The following WDR49 variants were observed in gnomAD, a reference collection of about 807,000 sequenced individuals.
WDR49 encodes WD repeat domain 49, also known as cilia- and flagella-associated protein 337.
Under a neutral mutation model 119.5 loss-of-function variants are expected in WDR49, and 107 were observed. The observed-to-expected ratio is 0.90, with a 90% confidence interval of 0.77 to 1.05. The LOEUF (loss-of-function observed/expected upper bound fraction) is 1.05. Ranked by LOEUF, WDR49 falls within the 50% of genes least tolerant of loss-of-function variation. The probability of loss-of-function intolerance (pLI) is 0.00; values close to 1 mark genes in which losing one functional copy is unlikely to be tolerated. For synonymous variants in WDR49, 425 were observed against 418.8 expected (o/e 1.01, Z -0.18); for missense variants, 1,240 against 1,220.5 (o/e 1.02, Z -0.24).
intron 7 of WDR49, among the ~76,000 whole-genome samples, chr3:167,588,981 C>A (rs1016726280): frequency 1.3e-5 from 2 of 152,062 alleles, no homozygotes; most frequent in African/African-American, 2.4e-5. Flanking sequence ...GTTGCCTGTG[C>A]TTGTGGGGTA....
At chr3:167,562,827 C>A (rs753794480) in intron 8 of WDR49, among the ~76,000 whole-genome samples, 1 of 152,214 alleles carries the variant, frequency 6.6e-6, no homozygotes. Flanking sequence ...CAGAAATATT[C>A]ATAGTAACTA....
chr3:167,560,302 C>G, intron 8 of WDR49, 74 bp from the exon 9 acceptor site: 1 of 1,408,388 alleles, frequency 7.1e-7, no homozygotes, highest in Admixed American at 2.4e-5. Flanking sequence ...ATAAACATAT[C>G]CAGCCTGTGC....
chr3:167,521,284 T>G (rs1752423710), intron 16 of WDR49, among the ~76,000 whole-genome samples: 1 of 152,130 alleles, frequency 6.6e-6, no homozygotes, highest in African/African-American at 2.4e-5. Flanking sequence ...AAAGAGTTCA[T>G]GAGTTTGGAA....
intron 18 of WDR49, among the ~76,000 whole-genome samples, chr3:167,498,072 C>T (rs1426441154): frequency 6.6e-6 from 1 of 152,074 alleles, no homozygotes; most frequent in African/African-American, 2.4e-5. Flanking sequence ...AATCTCCTGA[C>T]CTCTTGATCC....
chr3:167,541,261 A>G (rs1711808170), intron 10 of WDR49, among the ~76,000 whole-genome samples: 1 of 152,184 alleles, frequency 6.6e-6, no homozygotes. Context: ...CAGGTTATCT[A>G]AAGTCAAACA....
chr3:167,559,987 A>C, intron 9 of WDR49, 77 bp downstream of exon 9: 1 of 1,451,116 alleles, frequency 6.9e-7, no homozygotes. Context: ...AAAAATGAGA[A>C]TATCTATAGC....
intron 7 of WDR49, among the ~76,000 whole-genome samples, chr3:167,578,241 A>G (rs2108285854): frequency 6.6e-6 from 1 of 152,106 alleles, no homozygotes; most frequent in East Asian, 1.9e-4. Flanking sequence ...AGGGGAGGGT[A>G]GTCATCCAGC....
intron 7 of WDR49, among the ~76,000 whole-genome samples, chr3:167,589,734 T>A (rs1715009953): frequency 6.6e-6 from 1 of 152,082 alleles, no homozygotes; most frequent in Non-Finnish European, 1.5e-5. Context: ...TTCAGATTGT[T>A]GTTGGCATAT....
At chr3:167,547,183 T>C (rs955367098) in intron 10 of WDR49, among the ~76,000 whole-genome samples, 5 of 151,876 alleles carry the variant, frequency 3.3e-5, no homozygotes, top group African/African-American at 1.2e-4. Flanking sequence ...AGTTTCTTAG[T>C]AAGGCAATTA....
chr3:167,606,276 A>C (rs757074372), intron 5 of WDR49, among the ~76,000 whole-genome samples: 1 of 152,164 alleles, frequency 6.6e-6, no homozygotes. Flanking sequence ...AAAGGTATGC[A>C]TGCACACAAA....
At position 167,626,981 on chromosome 3, in the gene WDR49, ACTAATTGT is replaced by A; in HGVS notation, c.469_476del (p.Thr157Ter). ...CCCAGATTGCCAATAAACCTTCTTTACTAATTGTCAGATAATGACTTGAATTTTTTAAG... is the reference window on the plus strand; with the variant it reads ...CCCAGATTGCCAATAAACCTTCTTTACAGATAATGACTTGAATTTTTTAAG... On this transcript the variant is annotated frameshift_variant, in exon 3 of 19. Transcript: ENST00000682715. LOFTEE classifies it high-confidence loss of function. 1 of 1,352,278 alleles carries A rather than the reference ACTAATTGT, an allele frequency of 7.4e-7. No individual in the cohort carries two copies. The highest frequency in any genetic ancestry group is 9.5e-7 in the Non-Finnish European group (1 of 1,054,112). 83.8% of individuals were successfully genotyped at this position (1,352,278 alleles called of 1,614,324 possible). A position where few individuals can be genotyped will look rare whatever the true frequency, so the allele number is the denominator to read the frequency against.
chr3:167,601,992 T>G (rs1715792540), intron 7 of WDR49, 135 bp downstream of exon 7: 5 of 1,155,122 alleles, frequency 4.3e-6, no homozygotes, highest in Non-Finnish European at 5.9e-6. Context: ...AATATAGACT[T>G]CCAAAAACAT....
At chr3:167,582,031 CGTGTGTGTGTGTGTGT>C (rs57233824) in intron 7 of WDR49, among the ~76,000 whole-genome samples, 11 of 142,354 alleles carry the variant, frequency 7.7e-5, no homozygotes, top group Non-Finnish European at 1.2e-4. Context: ...GGCATGCTTC[CGTGTGTGTGTGTGTGT>C]GTGTGTGTGT....
rs1560249496 is a variant in WDR49, at chr3:167,495,336, A to AT, written c.3031+4816_3031+4817insA. The stretch of plus-strand genomic sequence containing the variant: ...ATAAAAGAGATTCAAGTGGCATTCT[A>AT]AAACTGAAAGTATATAAATATGTGT... On this transcript the variant is annotated intron_variant, in intron 18 of 18. Transcript: ENST00000682715. Among the ~76,000 whole-genome samples, 51 of 125,130 alleles carry AT rather than the reference A, an allele frequency of 4.1e-4. 1 individual carries two copies. Among genetic ancestry groups the AT allele is most frequent in the Middle Eastern group, 3.6e-3 (1 of 280 alleles). 82.1% of individuals were successfully genotyped at this position (125,130 alleles called of 152,430 possible).
intron 7 of WDR49, among the ~76,000 whole-genome samples, chr3:167,590,686 CAT>C (rs994030420): frequency 2.6e-5 from 4 of 152,020 alleles, no homozygotes; most frequent in Non-Finnish European, 4.4e-5. Flanking sequence ...AAGTTATTAA[CAT>C]ATAGTGGCTC....
chr3:167,531,384 T>C, intron 12 of WDR49, 105 bp from the exon 13 acceptor site: 1 of 1,268,230 alleles, frequency 7.9e-7, no homozygotes, highest in Non-Finnish European at 1.1e-6. Flanking sequence ...ATCCATTGAC[T>C]CCAAGTCTCA....
rs552847190 is a variant in WDR49, at chr3:167,629,882, A to T, written c.166-2590T>A. Among the ~76,000 whole-genome samples the T allele has an allele frequency of 2.6e-5, 4 of 152,234 alleles. No homozygotes were observed. The South Asian group carries it at 8.3e-4, about 32-fold the overall frequency. ...TTGAATTGCTGCAATCTCATGATCA[A>T]ACTTAAATGGATGTGGGGTTGCTTC... On this transcript the variant is annotated intron_variant, in intron 2 of 18. Transcript: ENST00000682715.
chr3:167,500,769 G>C (rs1379474596), intron 17 of WDR49, among the ~76,000 whole-genome samples: 1 of 152,172 alleles, frequency 6.6e-6, no homozygotes, highest in Admixed American at 6.5e-5. Context: ...CACACAATGA[G>C]ATGATAGGAA....
At chr3:167,642,997 T>G (rs1717954788) in intron 2 of WDR49, among the ~76,000 whole-genome samples, 1 of 151,982 alleles carries the variant, frequency 6.6e-6, no homozygotes, top group Admixed American at 6.6e-5. Flanking sequence ...GAAGACTCTC[T>G]CTTACAGAAA....
Sources: gnomAD v4.1 joint callset for allele counts (sites outside exome capture counted in the v4.1 genomes callset) on GRCh38, gnomAD v4.1.1 for gene constraint, MANE v1.5 for transcripts, NCBI Gene and HGNC (gene_info 2026-07-23, HGNC 2026-07-21) for gene names.